Variants in AKR1B1 observed in about 807,000 individuals in gnomAD.
AKR1B1 encodes the protein aldo-keto reductase family 1 member B1.
AKR1B1 carries 22 observed loss-of-function variants against 40.4 expected under a neutral mutation model. The observed-to-expected ratio is 0.54, with a 90% CI of 0.39 to 0.78. The LOEUF (loss-of-function observed/expected upper bound fraction) is 0.78, where lower values mean the gene tolerates loss of function less well. Ranked by LOEUF, AKR1B1 falls within the 30% of genes least tolerant of loss-of-function variation. AKR1B1 has a pLI of 0.00. For synonymous variants in AKR1B1, 157 were observed against 149.9 expected (o/e 1.05, Z -0.35); for missense variants, 357 against 396.7 (o/e 0.90, Z 0.85).
chr7:134,442,878 T>TCA, intron 9 of AKR1B1, 108 bp from the exon 10 acceptor site: 1 of 1,098,030 alleles, frequency 9.1e-7, no homozygotes, highest in Non-Finnish European at 1.4e-6. Context: ...AAATAGAACC[T>TCA]CAGAGGCAAC....
intron 1 of AKR1B1, among the ~76,000 whole-genome samples, chr7:134,452,205 G>A (rs1562909575): frequency 6.6e-6 from 1 of 152,196 alleles, no homozygotes; most frequent in Non-Finnish European, 1.5e-5. Flanking sequence ...GTGAATGCCT[G>A]CCCCTTACGC....
At chr7:134,447,847 T>C in intron 7 of AKR1B1, 133 bp downstream of exon 7, 1 of 812,066 alleles carries the variant, frequency 1.2e-6, no homozygotes, top group Non-Finnish European at 2.1e-6. Flanking sequence ...CCCTTTCCAC[T>C]CTGTACTTGA....
chr7:134,452,243 C>T (rs1303186072), intron 1 of AKR1B1, among the ~76,000 whole-genome samples: 2 of 152,174 alleles, frequency 1.3e-5, no homozygotes, highest in Non-Finnish European at 2.9e-5. Context: ...CTTCTGATAC[C>T]GGCAGTCGCT....
Position 134,442,779 on chromosome 7 carries a change from A to G in AKR1B1, c.909-9T>C, listed in dbSNP as rs768802775. On this transcript the variant is annotated splice_polypyrimidine_tract_variant and intron_variant, in intron 9 of 9. Coordinates refer to ENST00000285930, the MANE Select transcript of AKR1B1 (RefSeq NM_001628.4). ...CCTTGTGGGAGGTACAGCTGTCAGGAGAAAGGAGAAAACAGTTGCTTTTTG... is the reference window on the plus strand; with the variant it reads ...CCTTGTGGGAGGTACAGCTGTCAGGGGAAAGGAGAAAACAGTTGCTTTTTG... The G allele has an allele frequency of 1.2e-6, 2 of 1,613,852 alleles. No individual in the cohort carries two copies. The highest frequency in any genetic ancestry group is 1.7e-5 in the Admixed American group (1 of 60,004).
At chr7:134,451,451 G>T in intron 2 of AKR1B1, 135 bp downstream of exon 2, 3 of 1,108,070 alleles carry the variant, frequency 2.7e-6, no homozygotes, top group Non-Finnish European at 4.1e-6. Flanking sequence ...TATGGCCGTG[G>T]GTGATACGTT....
chr7:134,450,743 A>C (rs1365923288), intron 3 of AKR1B1, 43 bp downstream of exon 3: 1 of 1,496,240 alleles, frequency 6.7e-7, no homozygotes, highest in East Asian at 2.3e-5. Flanking sequence ...CACAGGTTGC[A>C]CCTGAGCCCC....
At position 134,451,545 on chromosome 7, in the gene AKR1B1, T is replaced by C. The variant is rs781637410; in HGVS notation, c.234+41A>G. On this transcript the variant is annotated intron_variant, in intron 2 of 9. Transcript: ENST00000285930. ...TTTGGGCTGATGCACCAACAGATGA[T>C]GGGACCGAGAGCCCCTTCCAGCCCC... The C allele has an allele frequency of 1.9e-6, 3 of 1,611,602 alleles. No homozygotes were observed. In the Admixed American group the frequency reaches 5.0e-5, roughly 27 times the overall value.
At chr7:134,452,841 C>CAA (rs1213628895) in intron 1 of AKR1B1, among the ~76,000 whole-genome samples, 1 of 152,116 alleles carries the variant, frequency 6.6e-6, no homozygotes, top group Non-Finnish European at 1.5e-5. Flanking sequence ...TGAACAAGCC[C>CAA]GTTACCAGAG....
chr7:134,456,342 G>C (rs1241365739), intron 1 of AKR1B1, among the ~76,000 whole-genome samples: 2 of 152,012 alleles, frequency 1.3e-5, no homozygotes, highest in African/African-American at 4.8e-5. Context: ...TGGGACTACA[G>C]GTGCGTGCCA....
intron 9 of AKR1B1, among the ~76,000 whole-genome samples, chr7:134,444,354 G>C (rs1278233745): frequency 2.0e-5 from 3 of 152,250 alleles, no homozygotes; most frequent in Non-Finnish European, 4.4e-5. Flanking sequence ...TTATTGTCCA[G>C]GACGCAGACT....
Position 134,450,783 on chromosome 7 carries a change from T to C in AKR1B1, c.351+3A>G. 2 of 1,613,032 alleles carry C rather than the reference T, an allele frequency of 1.2e-6. No homozygotes were observed. The highest frequency in any genetic ancestry group is 8.5e-7 in the Non-Finnish European group (1 of 1,179,388). On this transcript the variant is annotated splice_donor_region_variant and intron_variant, in intron 3 of 9. Coordinates refer to ENST00000285930, the MANE Select transcript of AKR1B1 (RefSeq NM_001628.4). ...GACCTGGTCTGCACCAGGCATCCCATACCTTAAAGCCAGTCGGCCAGTGAA... is the reference window on the plus strand; with the variant it reads ...GACCTGGTCTGCACCAGGCATCCCACACCTTAAAGCCAGTCGGCCAGTGAA...
intron 1 of AKR1B1, among the ~76,000 whole-genome samples, chr7:134,455,293 T>A (rs1033614151): frequency 5.9e-5 from 9 of 152,008 alleles, no homozygotes; most frequent in Non-Finnish European, 1.5e-5. Context: ...CAATATTATC[T>A]CTGATATTAC....
intron 1 of AKR1B1, among the ~76,000 whole-genome samples, chr7:134,454,520 C>G (rs1363351338): frequency 6.6e-6 from 1 of 152,206 alleles, no homozygotes; most frequent in Non-Finnish European, 1.5e-5. Context: ...CTTCCCTCTG[C>G]AAGTCAAAAA....
chr7:134,449,908 G>C (rs1806233399), intron 3 of AKR1B1, 111 bp from the exon 4 acceptor site: 2 of 890,158 alleles, frequency 2.2e-6, no homozygotes, highest in Non-Finnish European at 3.8e-6. Flanking sequence ...AGCTGGCTAG[G>C]GATAATCTGT....
chr7:134,444,354 G>A (rs1278233745), intron 9 of AKR1B1, among the ~76,000 whole-genome samples: 1 of 152,250 alleles, frequency 6.6e-6, no homozygotes, highest in South Asian at 2.1e-4. Context: ...TTATTGTCCA[G>A]GACGCAGACT....
At chr7:134,442,859 G>A in intron 9 of AKR1B1, 89 bp from the exon 10 acceptor site, 3 of 1,281,678 alleles carry the variant, frequency 2.3e-6, no homozygotes, top group Non-Finnish European at 3.4e-6. Context: ...GTGTCTCACT[G>A]AAGAAATAAA....
Position 134,448,491 on chromosome 7 carries a change from A to C in AKR1B1, c.555T>G (p.Ile185Met), listed in dbSNP as rs1806178611. The change falls in exon 6 of 10, where the codon ATT becomes ATG. Residue 185 changes from isoleucine to methionine, a missense_variant and splice_region_variant. Coordinates refer to ENST00000285930, the MANE Select transcript of AKR1B1 (RefSeq NM_001628.4). ...GLKYKPAVNQ[I>M]ECHPYLTQEK... ...CCTGAGTGAGATATGGGTGGCACTCAATCTGCAAATGCAAAAACAAGAGCT... is the reference window on the plus strand; with the variant it reads ...CCTGAGTGAGATATGGGTGGCACTCCATCTGCAAATGCAAAAACAAGAGCT... 1 of 1,613,166 alleles carries C rather than the reference A, an allele frequency of 6.2e-7. No homozygotes were observed. The highest frequency in any genetic ancestry group is 1.1e-5 in the South Asian group (1 of 91,028).
chr7:134,456,756 T>C (rs894135446), intron 1 of AKR1B1, among the ~76,000 whole-genome samples: 13 of 148,380 alleles, frequency 8.8e-5, no homozygotes, highest in Non-Finnish European at 1.9e-4. Flanking sequence ...TGAGAAGTGC[T>C]AGAAATAGTA....
chr7:134,447,376 C>T lies in AKR1B1; in HGVS notation c.747G>A (p.Leu249=), dbSNP rs1403915217. The T allele has an allele frequency of 4.3e-6, 7 of 1,614,048 alleles. No homozygotes were observed. The highest frequency in any genetic ancestry group is 5.9e-6 in the Non-Finnish European group (7 of 1,179,992). Residue 249 remains leucine, a synonymous_variant, in exon 8 of 10, where the codon CTG becomes CTA. Coordinates refer to ENST00000285930, the MANE Select transcript of AKR1B1 (RefSeq NM_001628.4). ...AGTTCCTCTGCATGGGGAACCGGATCAGGACCTGTGAGCCCAAGGAGACAG... is the reference window on the plus strand; with the variant it reads ...AGTTCCTCTGCATGGGGAACCGGATTAGGACCTGTGAGCCCAAGGAGACAG... ...AKHNKTTAQV[L]IRFPMQRNLV... is the part of the protein sequence containing the mutation.
Sources: allele counts gnomAD v4.1 joint callset (sites outside exome capture counted in the v4.1 genomes callset), GRCh38; gene constraint gnomAD v4.1.1; transcripts MANE v1.5; gene names NCBI Gene and HGNC (gene_info 2026-07-23, HGNC 2026-07-21).